ZNF268: variants seen among roughly 807,000 people sequenced by gnomAD.
The protein encoded by ZNF268 is zinc finger protein 268.
ZNF268 carries 20 observed loss-of-function variants against 29.3 expected under a neutral mutation model. That is an observed-to-expected ratio of 0.68 (90% CI 0.48 to 0.99). The LOEUF is 0.99. ZNF268 is among the 50% of genes least tolerant of loss of function. The pLI is 0.00. For synonymous variants in ZNF268, 429 were observed against 376.9 expected, an observed-to-expected ratio of 1.14 and a Z score of -1.60; for missense variants, 1,240 against 1,121.6, an observed-to-expected ratio of 1.11 and a Z score of -1.51.
rs1209796092 is a variant in ZNF268 at position 133,204,176 on chromosome 12, T to C, written c.2490T>C (p.His830=). 7.8e-6 allele frequency: 12 copies of C among 1,541,258 alleles called. No homozygotes were observed. The highest frequency in any genetic ancestry group is 7.8e-6 in the Non-Finnish European group (9 of 1,147,256). The part of the protein sequence containing the change: ...KSLLIVHERT[H]AGVNPYKCSQ... ...TACTCATTGTACATGAGCGAACTCA[T>C]GCAGGGGTCAACCCTTATAAATGCA... The change falls in exon 6 of 6, where the codon CAT becomes CAC. Residue 830 remains histidine (H), a synonymous_variant. Transcript: ENST00000536435.
intron 4 of ZNF268, 48 bp downstream of exon 4, chr12:133,191,663 T>C (rs373590474): frequency 1.2e-6 from 2 of 1,602,380 alleles, no homozygotes; most frequent in African/African-American, 2.7e-5. Flanking sequence ...TCCAGGCTTC[T>C]TCTTGGTTGC....
Position 133,208,149 on chromosome 12 carries a change from C to T in ZNF268, c.*3619C>T, listed in dbSNP as rs951097025. The T allele has an allele frequency of 5.3e-5, 8 of 152,098 alleles. No individual in the cohort carries two copies. Among genetic ancestry groups the T allele is most frequent in the Non-Finnish European group, 8.8e-5 (6 of 68,030 alleles). The allele number at this position is 152,098 out of a possible 1,614,324, so 9.4% of individuals were successfully genotyped here. On this transcript the variant is annotated 3_prime_UTR_variant, in exon 6 of 6. Transcript: ENST00000536435. ...ATTGCTGGAACCCAGGAGTTCGAGA[C>T]AAGCCTGACCAATATAGGGAGACCC... is the stretch of plus-strand genomic sequence containing the variant.
intron 5 of ZNF268, among the ~76,000 whole-genome samples, chr12:133,197,286 T>C (rs1445598967): frequency 6.8e-6 from 1 of 147,500 alleles, no homozygotes; most frequent in Non-Finnish European, 1.5e-5. Flanking sequence ...GAATATGCGG[T>C]GTTTGGTTTT....
chr12:133,192,265 G>C (rs568241851), intron 5 of ZNF268, among the ~76,000 whole-genome samples: 2,061 of 151,992 alleles, frequency 0.014, 24 homozygotes, highest in Non-Finnish European at 0.023. Context: ...GCGCCACCAT[G>C]CCCGGCCAAT....
Position 133,202,442 on chromosome 12 carries a change from T to C in ZNF268, c.756T>C (p.Ile252=). ...TVIGIKYCES[I]ESGKTVNKKS... is the part of the protein sequence containing the mutation. ...TTGGAATAAAATACTGTGAAAGTAT[T>C]GAATCTGGAAAAACCGTCAATAAGA... The change falls in exon 6 of 6, where the codon ATT becomes ATC. Residue 252 remains isoleucine (I), a synonymous_variant. Transcript: ENST00000536435. 1.2e-6 allele frequency: 2 copies of C among 1,611,120 alleles called. No individual in the cohort carries two copies. Among genetic ancestry groups the C allele is most frequent in the South Asian group, 1.1e-5 (1 of 90,762 alleles).
Position 133,202,593 on chromosome 12 carries a change from C to T in ZNF268, c.907C>T (p.Pro303Ser). The T allele has an allele frequency of 6.2e-7, 1 of 1,606,884 alleles. No individual in the cohort carries two copies. The highest frequency in any genetic ancestry group is 1.1e-5 in the South Asian group (1 of 90,230). The change falls in exon 6 of 6, where the codon CCC (proline) becomes TCC (serine). Residue 303 changes from proline to serine, a missense_variant. Transcript: ENST00000536435. ...VHQQTHAEEK[P>S]YGCNECGKDF... ...TCAGCAAACTCATGCCGAAGAGAAACCCTATGGTTGTAATGAATGTGGGAA... is the reference window on the plus strand; with the variant it reads ...TCAGCAAACTCATGCCGAAGAGAAATCCTATGGTTGTAATGAATGTGGGAA...
intron 5 of ZNF268, among the ~76,000 whole-genome samples, chr12:133,201,718 A>G (rs1276409011): frequency 6.6e-6 from 1 of 152,070 alleles, no homozygotes; most frequent in African/African-American, 2.4e-5. Flanking sequence ...CCATTTCTCT[A>G]GAAGTTAGCA....
rs905248765 is a variant in ZNF268 at position 133,206,012 on chromosome 12, TCTTAA to T, written c.*1486_*1490del. The T allele has an allele frequency of 1.3e-5, 2 of 152,040 alleles. No individual in the cohort carries two copies. Among genetic ancestry groups the T allele is most frequent in the African/African-American group, 4.8e-5 (2 of 41,380 alleles). The allele number at this position is 152,040 out of a possible 1,614,324, so 9.4% of individuals were successfully genotyped here. A position where few individuals can be genotyped will look rare whatever the true frequency, so the allele number is the denominator to read the frequency against. On this transcript the variant is annotated 3_prime_UTR_variant, in exon 6 of 6. Transcript: ENST00000536435. ...AGAACAGCTTTTGTTACTGTCATTT[TCTTAA>T]CTTTGTTCACTTGTCTTTTATTTTG...
At position 133,203,094 on chromosome 12, in the gene ZNF268, A is replaced by C; in HGVS notation, c.1408A>C (p.Lys470Gln). The C allele has an allele frequency of 1.3e-6, 2 of 1,537,646 alleles. No individual in the cohort carries two copies. Among genetic ancestry groups the C allele is most frequent in the Middle Eastern group, 3.3e-4 (2 of 5,990 alleles). Residue 470 changes from lysine to glutamine, a missense_variant, in exon 6 of 6, where the codon AAG (lysine) becomes CAG (glutamine). Physicochemically the swap from Lys to Gln is moderately conservative, Grantham distance 53 (BLOSUM62 1). Coordinates refer to ENST00000536435, the MANE Select transcript of ZNF268 (RefSeq NM_003415.3). Reference sequence around the variant, plus strand: ...ACATCAGGGGATTCACACAGGAGTAAAGCCCTATGGGTGTATTCAGTGTGG... The same window carrying C: ...ACATCAGGGGATTCACACAGGAGTACAGCCCTATGGGTGTATTCAGTGTGG... ...IVHQGIHTGV[K>Q]PYGCIQCGKG...
chr12:133,194,491 G>C (rs1956550420), intron 5 of ZNF268, among the ~76,000 whole-genome samples: 1 of 152,078 alleles, frequency 6.6e-6, no homozygotes, highest in Admixed American at 6.6e-5. Context: ...GGATATACCA[G>C]TGGCCAATGA....
rs1956774239 is a variant in ZNF268, at chr12:133,202,356, C to A, written c.670C>A (p.Pro224Thr). 6.2e-7 allele frequency: 1 copy of A among 1,611,106 alleles called. No homozygotes were observed. The highest frequency in any genetic ancestry group is 2.2e-5 in the East Asian group (1 of 44,854). ...CACTAGTGATTATGCTAGAAATAAT[C>A]CTAATGGGTTTCAGGTACATGGAAA... ...DFTSDYARNN[P>T]NGFQVHGKSF... The change falls in exon 6 of 6, where the codon CCT becomes ACT. Residue 224 changes from proline (P) to threonine (T), a missense_variant. Pro to Thr is a conservative substitution (Grantham distance 38, BLOSUM62 -1). Coordinates refer to ENST00000536435, the MANE Select transcript of ZNF268 (RefSeq NM_003415.3).
chr12:133,191,745 T>A, intron 4 of ZNF268, 130 bp downstream of exon 4: 1 of 1,482,242 alleles, frequency 6.7e-7, no homozygotes, highest in African/African-American at 1.4e-5. Flanking sequence ...TTTTCTTAGT[T>A]CCCTATTGGC....
At chr12:133,189,664 C>G (rs1354628671) in intron 3 of ZNF268, among the ~76,000 whole-genome samples, 1 of 152,194 alleles carries the variant, frequency 6.6e-6, no homozygotes. Flanking sequence ...TCTTCATAAA[C>G]AGTCGTGTCA....
rs1956946560 is a variant in ZNF268 at position 133,209,185 on chromosome 12, ACCCT to A, written c.*4657_*4660del. On this transcript the variant is annotated 3_prime_UTR_variant, in exon 6 of 6. Transcript: ENST00000536435. ...TCTTGAACTCCTGACCTCGTGATCC[ACCCT>A]CAGCCTCCCAAAGTGCTGGGATTAC... 6.6e-6 allele frequency: 1 copy of A among 151,830 alleles called. No individual in the cohort carries two copies. Among genetic ancestry groups the A allele is most frequent in the Non-Finnish European group, 1.5e-5 (1 of 67,980 alleles). 9.4% of individuals were successfully genotyped at this position (151,830 alleles called of 1,614,324 possible).
Position 133,202,375 on chromosome 12 carries a change from A to G in ZNF268, c.689A>G (p.His230Arg). 1.9e-6 allele frequency: 3 copies of G among 1,611,362 alleles called. No homozygotes were observed. The highest frequency in any genetic ancestry group is 2.5e-6 in the Non-Finnish European group (3 of 1,178,566). Residue 230 changes from histidine to arginine, a missense_variant, in exon 6 of 6, where the codon CAT becomes CGT. By Grantham distance (29) the His-to-Arg change is conservative. Around this residue, in one of 3 missense-constraint regions of ZNF268, gnomAD observed 1,177 missense variants for 1,039.6 expected, o/e 1.13. Transcript: ENST00000536435. Reference sequence around the variant, plus strand: ...AATAATCCTAATGGGTTTCAGGTACATGGAAAATCATTCTTCCATTCTAAA... The same window carrying G: ...AATAATCCTAATGGGTTTCAGGTACGTGGAAAATCATTCTTCCATTCTAAA... ...ARNNPNGFQVHGKSFFHSKHE... is the reference protein window; with the variant it reads ...ARNNPNGFQVRGKSFFHSKHE...
chr12:133,198,118 G>A (rs1956656881), intron 5 of ZNF268, among the ~76,000 whole-genome samples: 1 of 151,070 alleles, frequency 6.6e-6, no homozygotes, highest in African/African-American at 2.4e-5. Flanking sequence ...CCATGCCTAT[G>A]TCCTGAATGG....
intron 5 of ZNF268, among the ~76,000 whole-genome samples, chr12:133,193,691 G>T (rs975759971): frequency 1.3e-5 from 2 of 152,176 alleles, no homozygotes; most frequent in African/African-American, 2.4e-5. Context: ...TTTTAGAGGG[G>T]ACACATTCAA....
At chr12:133,191,160 C>CA (rs1956461783) in intron 3 of ZNF268, among the ~76,000 whole-genome samples, 1 of 151,820 alleles carries the variant, frequency 6.6e-6, no homozygotes, top group South Asian at 2.1e-4. Context: ...ACTAAAAATA[C>CA]AAAAAAATCA....
intron 5 of ZNF268, among the ~76,000 whole-genome samples, chr12:133,195,056 C>T (rs577963349): frequency 3.0e-5 from 2 of 66,204 alleles, no homozygotes; most frequent in Admixed American, 1.3e-4. Flanking sequence ...TCTAGGGTCC[C>T]CCAGTTCCAG....
Sources: allele counts gnomAD v4.1 joint callset (sites outside exome capture counted in the v4.1 genomes callset), GRCh38; gene constraint gnomAD v4.1.1; regional missense constraint gnomAD v4.1.1; transcripts MANE v1.5; gene names NCBI Gene and HGNC (gene_info 2026-07-23, HGNC 2026-07-21).